The following CCSER2 variants were observed in gnomAD, a reference collection of about 807,000 sequenced individuals.
The protein encoded by CCSER2 is coiled-coil serine rich protein 2.
A neutral mutation model predicts 92.3 loss-of-function variants in CCSER2; 46 were observed. The ratio of observed to expected loss-of-function variants is 0.50; its 90% CI spans 0.39 to 0.64. The LOEUF (loss-of-function observed/expected upper bound fraction) is 0.64. Among genes scored for constraint, CCSER2 ranks in the 30% least tolerant of loss-of-function variants. The probability of loss-of-function intolerance (pLI) is 0.00; values close to 1 mark genes in which losing one functional copy is unlikely to be tolerated. For synonymous variants in CCSER2, 433 were observed against 431.4 expected, an observed-to-expected ratio of 1.00 and a Z score of -0.04; for missense variants, 1,244 against 1,238.9, an observed-to-expected ratio of 1.00 and a Z score of -0.06.
At chr10:84,490,800 G>T (rs1457739918) in intron 9 of CCSER2, among the ~76,000 whole-genome samples, 1 of 152,228 alleles carries the variant, frequency 6.6e-6, no homozygotes, top group African/African-American at 2.4e-5. Flanking sequence ...CGTTCCTTTG[G>T]AGGGGGAGAG....
chr10:84,430,923 A>T (rs184854422), intron 5 of CCSER2, among the ~76,000 whole-genome samples: 45 of 152,216 alleles, frequency 3.0e-4, no homozygotes, highest in Non-Finnish European at 6.2e-4. Flanking sequence ...GTTTCTCTTC[A>T]TTTGTCATGC....
At chr10:84,485,917 C>T (rs538251423) in intron 9 of CCSER2, among the ~76,000 whole-genome samples, 77 of 152,146 alleles carry the variant, frequency 5.1e-4, no homozygotes, top group Middle Eastern at 3.2e-3. Flanking sequence ...CAACAAGCCC[C>T]GGTGTGTGAT....
intron 3 of CCSER2, among the ~76,000 whole-genome samples, chr10:84,404,980 A>G (rs1273321213): frequency 6.6e-6 from 1 of 152,184 alleles, no homozygotes; most frequent in Admixed American, 6.5e-5. Flanking sequence ...ACTCCATCCC[A>G]AAGTGATGCA....
At chr10:84,417,073 A>C (rs999610095) in intron 3 of CCSER2, among the ~76,000 whole-genome samples, 1 of 152,266 alleles carries the variant, frequency 6.6e-6, no homozygotes, top group African/African-American at 2.4e-5. Flanking sequence ...CCAGTGGGCT[A>C]TAGGTCAAAC....
At chr10:84,466,716 T>C (rs1416418752) in intron 7 of CCSER2, among the ~76,000 whole-genome samples, 1 of 151,462 alleles carries the variant, frequency 6.6e-6, no homozygotes, top group Non-Finnish European at 1.5e-5. Context: ...GGTTTCACCG[T>C]GTTAGCCAGG....
intron 6 of CCSER2, among the ~76,000 whole-genome samples, chr10:84,459,576 G>A (rs1036971360): frequency 6.6e-6 from 1 of 152,142 alleles, no homozygotes; most frequent in African/African-American, 2.4e-5. Context: ...AGGCTGGAGT[G>A]CAGTGGCACA....
At chr10:84,486,578 G>T (rs1458986488) in intron 9 of CCSER2, among the ~76,000 whole-genome samples, 13 of 151,974 alleles carry the variant, frequency 8.6e-5, no homozygotes, top group Admixed American at 3.3e-4. Flanking sequence ...TTGCCCACTT[G>T]TTGATGGGGT....
chr10:84,431,459 A>G lies in CCSER2; in HGVS notation c.1868+5566A>G, dbSNP rs147816966. 1.0e-2 allele frequency among the ~76,000 whole-genome samples: 1,512 copies of G among 151,742 alleles called. 33 individuals are homozygous for G. The highest frequency in any genetic ancestry group is 0.035 in the African/African-American group (1,437 of 41,414). On this transcript the variant is annotated intron_variant, in intron 5 of 9. Coordinates refer to ENST00000372088, the MANE Select transcript of CCSER2 (RefSeq NM_001284240.2). ...GGCATCTCATTTAAAAAAAAAAATT[A>G]GCCAGGTGCAGTGGCTCATGCCTGC...
chr10:84,509,756 A>G (rs1290321054), intron 9 of CCSER2, among the ~76,000 whole-genome samples: 1 of 152,166 alleles, frequency 6.6e-6, no homozygotes, highest in Non-Finnish European at 1.5e-5. Context: ...TAGTTAAGAT[A>G]TGAGATCTTT....
At position 84,354,270 on chromosome 10, in the gene CCSER2, G is replaced by T. The variant is rs190703318; in HGVS notation, c.-39-16744G>T. ...AGTTACTTTTTTTTTTTTTAAATAG[G>T]GTTTGTTTGAAAGAATAGAGTATGT... On this transcript the variant is annotated intron_variant, in intron 1 of 9. Transcript: ENST00000372088. 2.4e-3 allele frequency among the ~76,000 whole-genome samples: 361 copies of T among 150,478 alleles called. 1 individual carries two copies. The highest frequency in any genetic ancestry group is 8.4e-3 in the African/African-American group (345 of 40,846).
rs879497685 is a variant in CCSER2, at chr10:84,477,589, C to T, written c.2250C>T (p.Ile750=). The T allele has an allele frequency of 6.8e-6, 11 of 1,609,566 alleles. No individual in the cohort carries two copies. Among genetic ancestry groups the T allele is most frequent in the African/African-American group, 1.3e-5 (1 of 74,752 alleles). The change falls in exon 9 of 10, where the codon ATC becomes ATT. Residue 750 remains isoleucine, a synonymous_variant. Transcript: ENST00000372088. ...LLELQLATQH[I]CHQKCKEEKC... ...TTTTTGTTTAGGCAACTCAGCATAT[C>T]TGCCACCAAAAATGTAAAGAGGAAA...
intron 3 of CCSER2, among the ~76,000 whole-genome samples, chr10:84,409,381 C>T (rs927888059): frequency 1.3e-5 from 2 of 151,704 alleles, no homozygotes. Flanking sequence ...CTCAAGCGAT[C>T]CTCCTGCCTC....
intron 9 of CCSER2, among the ~76,000 whole-genome samples, chr10:84,481,963 T>G (rs1292244299): frequency 6.6e-6 from 1 of 152,168 alleles, no homozygotes; most frequent in Non-Finnish European, 1.5e-5. Flanking sequence ...AAGAGAATTT[T>G]AAATTTTGTT....
rs1844636183 is a variant in CCSER2 at position 84,442,521 on chromosome 10, T to TC, written c.2064+3815dup. ...TGTATATTTCTCCAGAGGGATATGCTCTAAGGTGTTACTAGTGATGATTCC... is the reference window on the plus strand; with the variant it reads ...TGTATATTTCTCCAGAGGGATATGCTCCTAAGGTGTTACTAGTGATGATTCC... On this transcript the variant is annotated intron_variant, in intron 6 of 9. Coordinates refer to ENST00000372088, the MANE Select transcript of CCSER2 (RefSeq NM_001284240.2). Among the ~76,000 whole-genome samples the TC allele has an allele frequency of 2.0e-5, 3 of 152,252 alleles. 1 individual carries two copies. The South Asian group carries it at 6.2e-4, about 31-fold the overall frequency.
At position 84,371,238 on chromosome 10, in the gene CCSER2, T is replaced by C; in HGVS notation, c.186T>C (p.His62=). The C allele has an allele frequency of 6.2e-7, 1 of 1,613,184 alleles. No individual in the cohort carries two copies. Among genetic ancestry groups the C allele is most frequent in the Non-Finnish European group, 8.5e-7 (1 of 1,179,604 alleles). The change falls in exon 2 of 10, where the codon CAT becomes CAC. Residue 62 remains histidine (H), a synonymous_variant. Coordinates refer to ENST00000372088, the MANE Select transcript of CCSER2 (RefSeq NM_001284240.2). ...KNNGSDCPSS[H]SFNWRKANKY... ...ATGGCTCTGATTGTCCATCATCTCA[T>C]TCATTTAATTGGAGGAAAGCAAATA...
intron 5 of CCSER2, among the ~76,000 whole-genome samples, chr10:84,433,385 T>A (rs1843901490): frequency 6.6e-6 from 1 of 151,954 alleles, no homozygotes; most frequent in South Asian, 2.1e-4. Context: ...AAACTGTGAC[T>A]CAGGTTACAT....
intron 3 of CCSER2, among the ~76,000 whole-genome samples, chr10:84,404,165 C>G (rs1412199068): frequency 6.6e-6 from 1 of 152,196 alleles, no homozygotes; most frequent in Non-Finnish European, 1.5e-5. Flanking sequence ...CACCTCTGTT[C>G]TGATTTCATT....
At chr10:84,466,270 T>C (rs1398211083) in intron 7 of CCSER2, among the ~76,000 whole-genome samples, 3 of 152,188 alleles carry the variant, frequency 2.0e-5, no homozygotes, top group Admixed American at 6.5e-5. Flanking sequence ...CTGCATCTCG[T>C]GCCATTAAAA....
chr10:84,474,803 A>G (rs1847039347), intron 8 of CCSER2, among the ~76,000 whole-genome samples: 1 of 152,210 alleles, frequency 6.6e-6, no homozygotes, highest in African/African-American at 2.4e-5. Context: ...TAAGCCCTAA[A>G]TCACCCAGTG....
Sources: gnomAD v4.1 joint callset for allele counts (sites outside exome capture counted in the v4.1 genomes callset) on GRCh38, gnomAD v4.1.1 for gene constraint, MANE v1.5 for transcripts, NCBI Gene and HGNC (gene_info 2026-07-23, HGNC 2026-07-21) for gene names.